The following POLR3C variants were observed in gnomAD, a reference collection of about 807,000 sequenced individuals.
The protein encoded by POLR3C is DNA-directed RNA polymerase III subunit RPC3.
POLR3C carries 44 observed loss-of-function variants against 65.9 expected under a neutral mutation model. The ratio of observed to expected loss-of-function variants is 0.67; its 90% confidence interval spans 0.52 to 0.86. The LOEUF is 0.86. POLR3C is among the 40% of genes least tolerant of loss of function. The pLI is 0.00. For missense variants in POLR3C, 576 were observed against 653.2 expected, an observed-to-expected ratio of 0.88 and a Z score of 1.29; for synonymous variants, 263 against 231.6, an observed-to-expected ratio of 1.14 and a Z score of -1.23.
rs1553731408 is a variant in POLR3C at position 145,843,935 on chromosome 1, CACT to C, written c.*1517_*1519del. Among the ~76,000 whole-genome samples, 1 of 152,172 alleles carries C rather than the reference CACT, an allele frequency of 6.6e-6. No individual in the cohort carries two copies. The highest frequency in any genetic ancestry group is 1.5e-5 in the Non-Finnish European group (1 of 68,026). On this transcript the variant is annotated 3_prime_UTR_variant, in exon 15 of 15. Transcript: ENST00000334163. ...AGATACATCAAAAAATGTTCAACAT[CACT>C]AATCAGAGAAATGGAAATCAAAATC...
At chr1:145,833,119 C>A in intron 5 of POLR3C, 141 bp from the exon 6 acceptor site, 1 of 518,304 alleles carries the variant, frequency 1.9e-6, no homozygotes, top group Non-Finnish European at 3.4e-6. Flanking sequence ...GTCTAGACAC[C>A]AGTCTACATG....
At chr1:145,837,984 C>G in intron 10 of POLR3C, 72 bp from the exon 11 acceptor site, 1 of 1,363,380 alleles carries the variant, frequency 7.3e-7, no homozygotes, top group Non-Finnish European at 1.0e-6. Context: ...ATAGAACAAC[C>G]ACCCCATCTA....
At chr1:145,838,693 C>CAA (rs201283866) in intron 11 of POLR3C, among the ~76,000 whole-genome samples, 1 of 151,008 alleles carries the variant, frequency 6.6e-6, no homozygotes, top group Admixed American at 6.6e-5. Context: ...TCTCAAAAAA[C>CAA]AAAAAAAACA....
At chr1:145,826,154 C>T (rs958718819) in intron 2 of POLR3C, among the ~76,000 whole-genome samples, 1 of 152,138 alleles carries the variant, frequency 6.6e-6, no homozygotes, top group Non-Finnish European at 1.5e-5. Context: ...CTTCCCATGC[C>T]GTACCTCATT....
intron 5 of POLR3C, among the ~76,000 whole-genome samples, chr1:145,829,405 A>G (rs782650235): frequency 6.6e-5 from 10 of 152,320 alleles, no homozygotes; most frequent in Middle Eastern, 3.4e-3. Flanking sequence ...CCAGTTTCCA[A>G]AATTACCTCA....
At chr1:145,825,243 G>A (rs1650625436) in intron 1 of POLR3C, among the ~76,000 whole-genome samples, 1 of 151,900 alleles carries the variant, frequency 6.6e-6, no homozygotes, top group South Asian at 2.1e-4. Flanking sequence ...CTAGTAGCTG[G>A]GATTACAGGC....
In POLR3C at chr1:145,843,692, G is replaced by C. The variant is rs1652454823; in HGVS notation, c.*1272G>C. Among the ~76,000 whole-genome samples the C allele has an allele frequency of 6.6e-6, 1 of 152,170 alleles. No homozygotes were observed. Among genetic ancestry groups the C allele is most frequent in the Non-Finnish European group, 1.5e-5 (1 of 68,038 alleles). On this transcript the variant is annotated 3_prime_UTR_variant, in exon 15 of 15. Transcript: ENST00000334163. Reference sequence around the variant, plus strand: ...AAGAGTAAACACTATGTACAGAGAGGCCAGAAAGGGAAAAGGGTCAGGCAG... The same window carrying C: ...AAGAGTAAACACTATGTACAGAGAGCCCAGAAAGGGAAAAGGGTCAGGCAG...
At chr1:145,826,161 CATTT>C (rs1650723439) in intron 2 of POLR3C, among the ~76,000 whole-genome samples, 1 of 152,194 alleles carries the variant, frequency 6.6e-6, no homozygotes, top group South Asian at 2.1e-4. Context: ...TGCCGTACCT[CATTT>C]ATTCACAATA....
chr1:145,834,659 T>A (rs963105735), intron 7 of POLR3C, among the ~76,000 whole-genome samples: 4 of 151,792 alleles, frequency 2.6e-5, no homozygotes, highest in Admixed American at 1.3e-4. Flanking sequence ...TCACCACACA[T>A]GTGAGTAATG....
intron 9 of POLR3C, 90 bp from the exon 10 acceptor site, chr1:145,837,446 T>G (rs1651940082): frequency 4.7e-6 from 3 of 634,156 alleles, no homozygotes; most frequent in South Asian, 2.3e-5. Context: ...CATTTAAAAT[T>G]TAATTATAAA....
Position 145,842,413 on chromosome 1 carries a change from G to A in POLR3C, c.1598G>A (p.Arg533Lys). 1.2e-6 allele frequency: 2 copies of A among 1,602,172 alleles called. No individual in the cohort carries two copies. Among genetic ancestry groups the A allele is most frequent in the African/African-American group, 2.7e-5 (2 of 74,814 alleles). The change falls in exon 15 of 15, where the codon AGA (arginine) becomes AAA (lysine). Residue 533 changes from arginine to lysine, a missense_variant. Arg to Lys is a conservative substitution (Grantham distance 26). Coordinates refer to ENST00000334163, the MANE Select transcript of POLR3C (RefSeq NM_006468.8). ...LESYIECTMK[R>K]Q Reference sequence around the variant, plus strand: ...TCTTACATTGAGTGCACCATGAAGAGACAGTGATCCAGAAGAAGCATCTTC... The same window carrying A: ...TCTTACATTGAGTGCACCATGAAGAAACAGTGATCCAGAAGAAGCATCTTC...
chr1:145,841,093 C>A, intron 14 of POLR3C, 22 bp downstream of exon 14: 16 of 1,606,378 alleles, frequency 1.0e-5, no homozygotes, highest in Non-Finnish European at 1.3e-5. Context: ...AAACTTCAGA[C>A]CTGCATTTCA....
At chr1:145,840,445 C>G (rs782474371) in intron 13 of POLR3C, 1 of 379,430 alleles carries the variant, frequency 2.6e-6, no homozygotes, top group African/African-American at 2.1e-5. Flanking sequence ...GAGGCTAAGG[C>G]AGGAGAATCA....
Position 145,837,596 on chromosome 1 carries a change from G to A in POLR3C, c.1070G>A (p.Arg357Lys). 2.5e-6 allele frequency: 4 copies of A among 1,601,718 alleles called. No homozygotes were observed. The highest frequency in any genetic ancestry group is 3.4e-6 in the Non-Finnish European group (4 of 1,169,410). Residue 357 changes from arginine (R) to lysine (K), a missense_variant and splice_region_variant, in exon 10 of 15, where the codon AGA (arginine) becomes AAA (lysine). Arg to Lys is a conservative substitution (Grantham distance 26). Coordinates refer to ENST00000334163, the MANE Select transcript of POLR3C (RefSeq NM_006468.8). ...TATLESVVQERFGSRCARIFR... is the reference protein window; with the variant it reads ...TATLESVVQEKFGSRCARIFR... ...ACTCTGGAGTCCGTCGTACAGGAGA[G>A]GTAAGGGGGACACTGGTTGGGTTTG...
In POLR3C at chr1:145,826,480, C is replaced by G; in HGVS notation, c.174C>G (p.Val58=). Residue 58 remains valine (V), a synonymous_variant, in exon 3 of 15, where the codon GTC becomes GTG. Transcript: ENST00000334163. ...DQVKKALCVL[V]QHNLVSYQVH... Reference sequence around the variant, plus strand: ...TGAAGAAAGCCCTGTGTGTCCTCGTCCAACATAACCTGGTGAGTTATCAAG... The same window carrying G: ...TGAAGAAAGCCCTGTGTGTCCTCGTGCAACATAACCTGGTGAGTTATCAAG... 6.2e-7 allele frequency: 1 copy of G among 1,613,658 alleles called. No individual in the cohort carries two copies. The highest frequency in any genetic ancestry group is 1.1e-5 in the South Asian group (1 of 91,062).
intron 7 of POLR3C, among the ~76,000 whole-genome samples, chr1:145,835,005 G>A (rs782303165): frequency 1.5e-4 from 23 of 151,686 alleles, no homozygotes; most frequent in Non-Finnish European, 2.5e-4. Context: ...AATTAGTTGG[G>A]TGTGGTGCCA....
chr1:145,837,955 T>C, intron 10 of POLR3C, 101 bp from the exon 11 acceptor site: 1 of 1,045,572 alleles, frequency 9.6e-7, no homozygotes, highest in Non-Finnish European at 1.4e-6. Flanking sequence ...TCCTGTCTGG[T>C]ACTGGCTTCA....
At chr1:145,841,264 C>G (rs1326151412) in intron 14 of POLR3C, among the ~76,000 whole-genome samples, 193 bp downstream of exon 14, 1 of 152,170 alleles carries the variant, frequency 6.6e-6, no homozygotes, top group East Asian at 1.9e-4. Context: ...TCTCCATCAC[C>G]ATATACACTC....
At chr1:145,837,484 C>T in intron 9 of POLR3C, 52 bp from the exon 10 acceptor site, 1 of 907,510 alleles carries the variant, frequency 1.1e-6, no homozygotes, top group Non-Finnish European at 1.7e-6. Context: ...AAACTCAGAT[C>T]ACAATAACTA....
Sources: allele counts gnomAD v4.1 joint callset (sites outside exome capture counted in the v4.1 genomes callset), GRCh38; gene constraint gnomAD v4.1.1; transcripts MANE v1.5; gene names NCBI Gene and HGNC (gene_info 2026-07-23, HGNC 2026-07-21).